The following PTPRT variants were observed in gnomAD, a reference collection of about 807,000 sequenced individuals.
PTPRT encodes the protein receptor-type tyrosine-protein phosphatase T.
In PTPRT, 56 loss-of-function variants were observed where a neutral mutation model predicts 176.8. The observed-to-expected ratio is 0.32, with a 90% confidence interval of 0.26 to 0.40. PTPRT has a LOEUF of 0.40. Ranked by LOEUF, PTPRT falls within the 10% of genes least tolerant of loss-of-function variation. The pLI is 1.00. For missense variants in PTPRT, 1,540 were observed against 1,908.2 expected (o/e 0.81, Z 3.60); for synonymous variants, 783 against 739.0 (o/e 1.06, Z -0.96).
intron 2 of PTPRT, among the ~76,000 whole-genome samples, chr20:42,807,688 A>G (rs1161970239): frequency 1.3e-5 from 2 of 152,178 alleles, no homozygotes. Context: ...CTCTACTTGT[A>G]TAGAAATTAT....
chr20:42,659,978 G>A (rs763083379), intron 7 of PTPRT, among the ~76,000 whole-genome samples: 2 of 152,092 alleles, frequency 1.3e-5, no homozygotes, highest in Non-Finnish European at 2.9e-5. Context: ...CAGCTATTAC[G>A]AGATTTGAGA....
intron 1 of PTPRT, among the ~76,000 whole-genome samples, chr20:43,089,604 G>C (rs759086945): frequency 9.2e-5 from 14 of 152,184 alleles, no homozygotes; most frequent in Non-Finnish European, 1.9e-4. Context: ...GGTGCTGGTA[G>C]CAGAACCAGG....
chr20:42,696,458 A>ATTT (rs3091864), intron 6 of PTPRT, among the ~76,000 whole-genome samples: 10 of 83,416 alleles, frequency 1.2e-4, no homozygotes, highest in African/African-American at 3.7e-4. Flanking sequence ...CACATGAATT[A>ATTT]TTTTTTTTTT....
chr20:42,362,565 T>G (rs1353618662), intron 9 of PTPRT, among the ~76,000 whole-genome samples: 2 of 152,040 alleles, frequency 1.3e-5, no homozygotes, highest in South Asian at 4.1e-4. Flanking sequence ...GACAAGTAAG[T>G]GAAACACGGA....
At chr20:42,756,150 T>C (rs2076828906) in intron 6 of PTPRT, among the ~76,000 whole-genome samples, 2 of 152,194 alleles carry the variant, frequency 1.3e-5, no homozygotes, top group Non-Finnish European at 2.9e-5. Flanking sequence ...TACAAGGACA[T>C]TTGTTCATTC....
intron 7 of PTPRT, among the ~76,000 whole-genome samples, chr20:42,608,547 C>A (rs915188191): frequency 6.6e-6 from 1 of 152,274 alleles, no homozygotes; most frequent in South Asian, 2.1e-4. Flanking sequence ...GCAGAGATGG[C>A]GTGCTTTTCT....
At chr20:42,469,979 A>G (rs1024030249) in intron 8 of PTPRT, among the ~76,000 whole-genome samples, 1 of 152,222 alleles carries the variant, frequency 6.6e-6, no homozygotes, top group Non-Finnish European at 1.5e-5. Context: ...AGATGAAACA[A>G]GAGTACTAGA....
At chr20:42,498,559 G>A (rs569453487) in intron 7 of PTPRT, among the ~76,000 whole-genome samples, 1 of 152,120 alleles carries the variant, frequency 6.6e-6, no homozygotes, top group East Asian at 1.9e-4. Flanking sequence ...GCTATCTCTT[G>A]CGGGGGAAGT....
rs546690486 is a variant in PTPRT, at chr20:42,484,464, C to A, written c.1154-11902G>T. Among the ~76,000 whole-genome samples, 149 of 152,280 alleles carry A rather than the reference C, an allele frequency of 9.8e-4. 1 individual carries two copies. Among genetic ancestry groups the A allele is most frequent in the African/African-American group, 3.4e-3 (140 of 41,558 alleles). ...TAGACAGACACTGCCACTTTCGTTG[C>A]CTGTTCCATGTTGATTTTGGCACAA... On this transcript the variant is annotated intron_variant, in intron 7 of 30. Coordinates refer to ENST00000373187, the MANE Select transcript of PTPRT (RefSeq NM_007050.6).
intron 1 of PTPRT, among the ~76,000 whole-genome samples, chr20:43,048,553 TGGCCCCAGGCAGTGGGCCAAGGGGGTGG>T (rs1411414324): frequency 2.0e-5 from 3 of 151,830 alleles, no homozygotes; most frequent in East Asian, 3.9e-4. Flanking sequence ...GATGTGGGCT[TGGCCCCAGGCAGTGGGCCAAGGGGGTGG>T]GAAACAGCAG....
chr20:42,937,361 G>C (rs1178242404), intron 1 of PTPRT, among the ~76,000 whole-genome samples: 3 of 152,110 alleles, frequency 2.0e-5, no homozygotes, highest in African/African-American at 7.2e-5. Flanking sequence ...GTGTGCCTGT[G>C]TTTCTCTGCA....
At chr20:43,060,904 T>C (rs1374871793) in intron 1 of PTPRT, among the ~76,000 whole-genome samples, 1 of 152,228 alleles carries the variant, frequency 6.6e-6, no homozygotes, top group Non-Finnish European at 1.5e-5. Flanking sequence ...AGATTATAGG[T>C]GTTACAGGAG....
At chr20:42,424,215 AC>A (rs2059143704) in intron 9 of PTPRT, among the ~76,000 whole-genome samples, 1 of 152,124 alleles carries the variant, frequency 6.6e-6, no homozygotes, top group East Asian at 1.9e-4. Flanking sequence ...AGTTTTCCAA[AC>A]CTCAAAAAAC....
chr20:43,098,785 G>A (rs955046079), intron 1 of PTPRT, among the ~76,000 whole-genome samples: 13 of 152,076 alleles, frequency 8.5e-5, no homozygotes, highest in African/African-American at 2.7e-4. Flanking sequence ...TTAAGCATTC[G>A]CACTCCAGGA....
chr20:42,664,411 C>T (rs1227861139), intron 7 of PTPRT, among the ~76,000 whole-genome samples: 1 of 152,128 alleles, frequency 6.6e-6, no homozygotes, highest in Non-Finnish European at 1.5e-5. Context: ...TAAACCATGA[C>T]CTCAATGGTG....
intron 2 of PTPRT, among the ~76,000 whole-genome samples, chr20:42,885,009 G>A (rs968350245): frequency 1.3e-5 from 2 of 151,870 alleles, no homozygotes; most frequent in Admixed American, 6.6e-5. Context: ...CATATCAGGT[G>A]TACCTCACAG....
rs554343349 is a variant in PTPRT, at chr20:42,448,293, C to T, written c.1487G>A (p.Gly496Glu). The change falls in exon 9 of 31, where the codon GGG (glycine) becomes GAG (glutamate). Residue 496 changes from glycine (G) to glutamate (E), a missense_variant. Physicochemically the swap from Gly to Glu is moderately conservative, Grantham distance 98 (BLOSUM62 -2). Coordinates refer to ENST00000373187, the MANE Select transcript of PTPRT (RefSeq NM_007050.6). Reference sequence around the variant, plus strand: ...GATGTAGATCTTCTCCTCAAAGGGCCCCCCTTGGATGGATTCTAGAGGAAC... The same window carrying T: ...GATGTAGATCTTCTCCTCAAAGGGCTCCCCTTGGATGGATTCTAGAGGAAC... ...GAVPLESIQG[G>E]PFEEKIYIQW... 1.4e-5 allele frequency: 23 copies of T among 1,613,342 alleles called. No individual in the cohort carries two copies. The Admixed American group carries it at 3.3e-4, about 23-fold the overall frequency.
intron 2 of PTPRT, among the ~76,000 whole-genome samples, chr20:42,835,305 G>GTATT (rs10627892): frequency 0.095 from 14,431 of 152,150 alleles, 740 homozygotes; most frequent in African/African-American, 0.13. Flanking sequence ...AGCAAGGCAG[G>GTATT]TATTATCTCT....
intron 1 of PTPRT, among the ~76,000 whole-genome samples, chr20:43,125,012 T>C (rs1024025120): frequency 6.6e-6 from 1 of 151,778 alleles, no homozygotes; most frequent in East Asian, 1.9e-4. Context: ...TTTTTTTTTT[T>C]GAGACAGAAT....
Sources: gnomAD v4.1 joint callset for allele counts (sites outside exome capture counted in the v4.1 genomes callset) on GRCh38, gnomAD v4.1.1 for gene constraint, MANE v1.5 for transcripts, NCBI Gene and HGNC (gene_info 2026-07-23, HGNC 2026-07-21) for gene names.